The following CFAP54 variants were observed in gnomAD, a reference collection of about 807,000 sequenced individuals.
CFAP54 encodes cilia and flagella associated protein 54.
A neutral mutation model predicts 370.4 loss-of-function variants in CFAP54; 290 were observed. That is an observed-to-expected ratio of 0.78 (90% CI 0.71 to 0.86). CFAP54 has a LOEUF of 0.86. Ranked by LOEUF, CFAP54 falls within the 40% of genes least tolerant of loss-of-function variation. The probability of loss-of-function intolerance (pLI) is 0.00; values close to 1 mark genes in which losing one functional copy is unlikely to be tolerated. For synonymous variants in CFAP54, 1,206 were observed against 1,236.5 expected (o/e 0.98, Z 0.52); for missense variants, 3,399 against 3,528.7 (o/e 0.96, Z 0.93).
Position 96,773,220 on chromosome 12 carries a change from C to G in CFAP54, c.8281+8002C>G, listed in dbSNP as rs4762328. On this transcript the variant is annotated intron_variant, in intron 60 of 67. Coordinates refer to ENST00000524981, the MANE Select transcript of CFAP54 (RefSeq NM_001306084.2). ...CACATGTAACTGGACCACCAAGGCA[C>G]AGCTTTTGTTTGTTTCCTATAAAGG... Among the ~76,000 whole-genome samples the G allele has an allele frequency of 9.9e-3, 1,463 of 147,808 alleles. 57 individuals are homozygous for G. The East Asian group carries it at 0.1, about 10-fold the overall frequency.
chr12:96,845,835 T>A (rs1959327264), intron 66 of CFAP54, among the ~76,000 whole-genome samples: 1 of 152,226 alleles, frequency 6.6e-6, no homozygotes, highest in Non-Finnish European at 1.5e-5. Context: ...TTTATTGGAA[T>A]TAGAAGAGTC....
At chr12:96,862,540 T>C (rs1001887499) in intron 67 of CFAP54, among the ~76,000 whole-genome samples, 2 of 152,040 alleles carry the variant, frequency 1.3e-5, no homozygotes, top group Admixed American at 6.6e-5. Context: ...ATGAGTGGAA[T>C]GAATGATGGC....
chr12:96,868,195 T>A (rs1960055838), intron 67 of CFAP54, among the ~76,000 whole-genome samples: 1 of 152,158 alleles, frequency 6.6e-6, no homozygotes, highest in Non-Finnish European at 1.5e-5. Context: ...ATTTTGCACG[T>A]GCTTGTTTAC....
In CFAP54 at chr12:96,503,895, C is replaced by A; in HGVS notation, c.433C>A (p.Leu145Met). The change falls in exon 3 of 68, where the codon CTG (leucine) becomes ATG (methionine). Residue 145 changes from leucine (L) to methionine (M), a missense_variant. Transcript: ENST00000524981. ...ACTCCTTTTGTTTCAGGAATACAAACTGGCCCTTTTACAATGCTATGGAAG... is the reference window on the plus strand; with the variant it reads ...ACTCCTTTTGTTTCAGGAATACAAAATGGCCCTTTTACAATGCTATGGAAG... Reference protein sequence around the residue: ...DSLCQMKEYKLALLQCYGRYL... With the variant: ...DSLCQMKEYKMALLQCYGRYL... 6.7e-7 allele frequency: 1 copy of A among 1,485,524 alleles called. No individual in the cohort carries two copies. The highest frequency in any genetic ancestry group is 8.9e-7 in the Non-Finnish European group (1 of 1,126,916). 92.0% of individuals were successfully genotyped at this position (1,485,524 alleles called of 1,614,324 possible).
chr12:96,618,180 GAAGA>G (rs1295799124), intron 26 of CFAP54, among the ~76,000 whole-genome samples: 1 of 152,040 alleles, frequency 6.6e-6, no homozygotes, highest in Non-Finnish European at 1.5e-5. Context: ...ATGTCTTCCA[GAAGA>G]AAGAAAGAAA....
intron 19 of CFAP54, among the ~76,000 whole-genome samples, chr12:96,568,686 C>A (rs2136414568): frequency 6.6e-6 from 1 of 152,242 alleles, no homozygotes; most frequent in East Asian, 1.9e-4. Flanking sequence ...GATGTGTCAC[C>A]TGATATCATA....
Position 96,630,296 on chromosome 12 carries a change from A to G in CFAP54, c.4215+92A>G. The G allele has an allele frequency of 4.6e-6, 3 of 648,942 alleles. No individual in the cohort carries two copies. In the South Asian group the frequency reaches 7.5e-5, roughly 16 times the overall value. The allele number at this position is 648,942 out of a possible 1,614,324, so 40.2% of individuals were successfully genotyped here. On this transcript the variant is annotated intron_variant, in intron 31 of 67. Transcript: ENST00000524981. The stretch of plus-strand genomic sequence containing the variant: ...TGGCTACATTTAAACTCATTATAAT[A>G]TGAAACAGAAGGATATACTAACAAG...
intron 20 of CFAP54, among the ~76,000 whole-genome samples, chr12:96,580,050 A>G (rs1417775220): frequency 4.0e-5 from 6 of 151,520 alleles, no homozygotes; most frequent in Non-Finnish European, 7.4e-5. Flanking sequence ...AGGCTTTTTC[A>G]TATGTATTTT....
At chr12:96,865,571 T>C (rs1592821500) in intron 67 of CFAP54, among the ~76,000 whole-genome samples, 2 of 152,250 alleles carry the variant, frequency 1.3e-5, no homozygotes, top group East Asian at 3.9e-4. Context: ...CTAGGGAAAA[T>C]GCTCAGGAGG....
intron 9 of CFAP54, among the ~76,000 whole-genome samples, chr12:96,530,734 T>C (rs1955433503): frequency 6.6e-6 from 1 of 152,230 alleles, no homozygotes; most frequent in Non-Finnish European, 1.5e-5. Flanking sequence ...TAAGTTCATA[T>C]TTAGTTTTGT....
intron 1 of CFAP54, among the ~76,000 whole-genome samples, chr12:96,499,425 A>G (rs1382350466): frequency 6.6e-6 from 1 of 152,178 alleles, no homozygotes; most frequent in Non-Finnish European, 1.5e-5. Flanking sequence ...GATACCCTAC[A>G]TGCCTATTAG....
intron 67 of CFAP54, among the ~76,000 whole-genome samples, chr12:96,868,083 C>A (rs142066502): frequency 1.9e-3 from 289 of 152,186 alleles, no homozygotes; most frequent in Non-Finnish European, 3.1e-3. Context: ...AGTCTTCATT[C>A]CGGACTCAAC....
intron 32 of CFAP54, among the ~76,000 whole-genome samples, chr12:96,638,539 G>A (rs190752377): frequency 3.0e-4 from 45 of 151,966 alleles, no homozygotes; most frequent in Non-Finnish European, 3.4e-4. Context: ...CACCTGGCCT[G>A]CATCCTACAA....
intron 1 of CFAP54, among the ~76,000 whole-genome samples, chr12:96,495,289 CTTCT>C (rs1592812344): frequency 2.4e-5 from 3 of 126,812 alleles, no homozygotes; most frequent in South Asian, 2.5e-4. Flanking sequence ...TCCTTCCTTC[CTTCT>C]TTCCTTCCTT....
intron 1 of CFAP54, among the ~76,000 whole-genome samples, chr12:96,490,247 C>T (rs1253652790): frequency 6.6e-6 from 1 of 152,164 alleles, no homozygotes; most frequent in Non-Finnish European, 1.5e-5. Flanking sequence ...AAAAAGAGTT[C>T]GCAGTTTGCA....
chr12:96,726,972 G>A lies in CFAP54; in HGVS notation c.6965+6407G>A, dbSNP rs537516548. On this transcript the variant is annotated intron_variant, in intron 50 of 67. Coordinates refer to ENST00000524981, the MANE Select transcript of CFAP54 (RefSeq NM_001306084.2). ...CAGGAGCACGTTGTTCAGTTTCCAT[G>A]TAGTTGAGCGATTTTGAGTGAGTTT... Among the ~76,000 whole-genome samples, 5 of 152,306 alleles carry A rather than the reference G, an allele frequency of 3.3e-5. No individual in the cohort carries two copies. The South Asian group carries it at 1.0e-3, about 32-fold the overall frequency.
intron 39 of CFAP54, among the ~76,000 whole-genome samples, chr12:96,664,222 T>A (rs1957030474): frequency 6.6e-6 from 1 of 152,140 alleles, no homozygotes; most frequent in African/African-American, 2.4e-5. Context: ...TTTTACAGAT[T>A]ATTTTATCAC....
At chr12:96,671,661 C>T (rs904889491) in intron 39 of CFAP54, among the ~76,000 whole-genome samples, 1 of 152,138 alleles carries the variant, frequency 6.6e-6, no homozygotes, top group African/African-American at 2.4e-5. Flanking sequence ...GTGGCTTACG[C>T]CTGTAATCCC....
intron 25 of CFAP54, among the ~76,000 whole-genome samples, chr12:96,597,607 A>G (rs117912271): frequency 3.5e-3 from 527 of 151,998 alleles, no homozygotes; most frequent in Non-Finnish European, 6.6e-3. Flanking sequence ...AAATAATATT[A>G]TGCAGCCATT....
Sources: gnomAD v4.1 joint callset for allele counts (sites outside exome capture counted in the v4.1 genomes callset) on GRCh38, gnomAD v4.1.1 for gene constraint, MANE v1.5 for transcripts, NCBI Gene and HGNC (gene_info 2026-07-23, HGNC 2026-07-21) for gene names.